Variants in ROBO2 observed in about 807,000 individuals in gnomAD.
ROBO2 encodes the protein roundabout guidance receptor 2, also known as roundabout homolog 2.
In ROBO2, 53 loss-of-function variants were observed where a neutral mutation model predicts 160.8. The ratio of observed to expected loss-of-function variants is 0.33; its 90% CI spans 0.26 to 0.41. The LOEUF (loss-of-function observed/expected upper bound fraction) is 0.41, where lower values mean the gene tolerates loss of function less well. ROBO2 is among the 10% of genes least tolerant of loss of function. The probability of loss-of-function intolerance (pLI) is 1.00; values close to 1 mark genes in which losing one functional copy is unlikely to be tolerated. For missense variants in ROBO2, 1,577 were observed against 1,722.4 expected, an observed-to-expected ratio of 0.92 and a Z score of 1.49; for synonymous variants, 664 against 611.7, an observed-to-expected ratio of 1.09 and a Z score of -1.26.
At chr3:76,442,190 C>A (rs974787959) in intron 2 of ROBO2, among the ~76,000 whole-genome samples, 1 of 152,144 alleles carries the variant, frequency 6.6e-6, no homozygotes, top group Non-Finnish European at 1.5e-5. Flanking sequence ...GAACTCAATT[C>A]ATTTCTTATT....
At chr3:76,239,261 A>G (rs139055869) in intron 2 of ROBO2, among the ~76,000 whole-genome samples, 62 of 152,244 alleles carry the variant, frequency 4.1e-4, no homozygotes, top group African/African-American at 1.5e-3. Flanking sequence ...CCTAATTCCA[A>G]TGGATACTAC....
chr3:76,249,738 GT>G (rs1705868290), intron 2 of ROBO2, among the ~76,000 whole-genome samples: 1 of 152,056 alleles, frequency 6.6e-6, no homozygotes, highest in Admixed American at 6.6e-5. Context: ...TCCACAATGC[GT>G]TTAACTAACT....
At chr3:76,141,531 G>T (rs2071670863) in intron 2 of ROBO2, among the ~76,000 whole-genome samples, 1 of 151,450 alleles carries the variant, frequency 6.6e-6, no homozygotes, top group South Asian at 2.1e-4. Flanking sequence ...AAAATACAAG[G>T]TAGGAAAAAT....
chr3:76,201,204 T>A (rs971762055), intron 2 of ROBO2, among the ~76,000 whole-genome samples: 1 of 152,168 alleles, frequency 6.6e-6, no homozygotes, highest in African/African-American at 2.4e-5. Flanking sequence ...AGAGAAATTG[T>A]TTCTGAAAAA....
At chr3:77,322,018 G>A (rs1257855580) in intron 2 of ROBO2, among the ~76,000 whole-genome samples, 3 of 152,166 alleles carry the variant, frequency 2.0e-5, no homozygotes, top group Admixed American at 2.0e-4. Flanking sequence ...AGTATGGAAG[G>A]CTTAAATGGA....
Position 76,475,344 on chromosome 3 carries a change from A to G in ROBO2, c.109+537742A>G, listed in dbSNP as rs553361829. ...AAAGTAGAACCAGATTTGAATGAGGATGAAGTGGAAGGAGAGACAATGAGG... is the reference window on the plus strand; with the variant it reads ...AAAGTAGAACCAGATTTGAATGAGGGTGAAGTGGAAGGAGAGACAATGAGG... On this transcript the variant is annotated intron_variant, in intron 2 of 26. Coordinates refer to the ROBO2 transcript ENST00000487694. 2.6e-5 allele frequency among the ~76,000 whole-genome samples: 4 copies of G among 152,190 alleles called. No homozygotes were observed. The East Asian group carries it at 7.8e-4, about 30-fold the overall frequency.
rs142944060 is a variant in ROBO2 at position 76,214,024 on chromosome 3, A to G, written c.109+276422A>G. Among the ~76,000 whole-genome samples the G allele has an allele frequency of 2.9e-3, 441 of 152,236 alleles. 2 individuals carry two copies. The highest frequency in any genetic ancestry group is 0.01 in the African/African-American group (422 of 41,550). ...ACGTCTTCCAGAAGCACCCTCACAG[A>G]TGCACCCAGGAATAATGTTTTGCCA... On this transcript the variant is annotated intron_variant, in intron 2 of 26. Coordinates refer to the ROBO2 transcript ENST00000487694.
intron 12 of ROBO2, among the ~76,000 whole-genome samples, chr3:77,567,776 T>C (rs981821595): frequency 1.3e-5 from 2 of 152,086 alleles, no homozygotes; most frequent in Non-Finnish European, 2.9e-5. Context: ...AATGACAGAA[T>C]TCACTTTCCT....
intron 2 of ROBO2, among the ~76,000 whole-genome samples, chr3:76,508,374 C>T (rs2080903047): frequency 6.6e-6 from 1 of 152,004 alleles, no homozygotes; most frequent in African/African-American, 2.4e-5. Context: ...AAAATAAAGA[C>T]AGTATACCTG....
At chr3:76,392,565 C>T (rs957736904) in intron 2 of ROBO2, among the ~76,000 whole-genome samples, 1 of 151,944 alleles carries the variant, frequency 6.6e-6, no homozygotes, top group Non-Finnish European at 1.5e-5. Context: ...GTAAAATGTT[C>T]GCTTTCATTG....
intron 2 of ROBO2, among the ~76,000 whole-genome samples, chr3:77,210,501 A>G (rs1335210380): frequency 6.6e-6 from 1 of 152,198 alleles, no homozygotes; most frequent in Non-Finnish European, 1.5e-5. Flanking sequence ...ATTTATTGAC[A>G]TAAAAAGTAT....
At chr3:77,283,821 T>C (rs2060405127) in intron 2 of ROBO2, among the ~76,000 whole-genome samples, 1 of 152,182 alleles carries the variant, frequency 6.6e-6, no homozygotes, top group African/African-American at 2.4e-5. Flanking sequence ...TTGAGCTCGG[T>C]ACTTTGATTG....
intron 2 of ROBO2, among the ~76,000 whole-genome samples, chr3:77,273,611 G>A (rs1467111529): frequency 1.3e-5 from 2 of 152,142 alleles, no homozygotes; most frequent in African/African-American, 4.8e-5. Flanking sequence ...TTCTTGTACA[G>A]ATTTCTAACT....
At chr3:77,236,970 C>T (rs192368107) in intron 2 of ROBO2, among the ~76,000 whole-genome samples, 41 of 152,234 alleles carry the variant, frequency 2.7e-4, no homozygotes, top group African/African-American at 8.9e-4. Context: ...ACCTCCTGGG[C>T]TCAAGCAATC....
chr3:75,933,992 C>T (rs1947658679), intron 1 of ROBO2, among the ~76,000 whole-genome samples: 1 of 152,136 alleles, frequency 6.6e-6, no homozygotes, highest in Admixed American at 6.6e-5. Flanking sequence ...GTGGAGCCTC[C>T]AGACTCCACA....
At position 76,221,513 on chromosome 3, in the gene ROBO2, C is replaced by T. The variant is rs184725213; in HGVS notation, c.109+283911C>T. Reference sequence around the variant, plus strand: ...TGAGCAGTGCCACTCTCATTTTCCACGCTTTGATTCCTGAACCCATTAATT... The same window carrying T: ...TGAGCAGTGCCACTCTCATTTTCCATGCTTTGATTCCTGAACCCATTAATT... On this transcript the variant is annotated intron_variant, in intron 2 of 26. Transcript: ENST00000487694. 2.8e-4 allele frequency among the ~76,000 whole-genome samples: 43 copies of T among 152,288 alleles called. No homozygotes were observed. In the East Asian group the frequency reaches 4.3e-3, roughly 15 times the overall value.
At chr3:76,660,608 C>T (rs1434151239) in intron 2 of ROBO2, among the ~76,000 whole-genome samples, 2 of 152,118 alleles carry the variant, frequency 1.3e-5, no homozygotes, top group African/African-American at 2.4e-5. Context: ...AAGCTGTTAT[C>T]CACTCACATG....
intron 2 of ROBO2, among the ~76,000 whole-genome samples, chr3:76,869,420 G>T (rs2071765311): frequency 1.4e-5 from 2 of 142,874 alleles, no homozygotes; most frequent in South Asian, 4.4e-4. Flanking sequence ...CGCGATCTCG[G>T]CTCACTGCAA....
intron 24 of ROBO2, among the ~76,000 whole-genome samples, chr3:77,641,798 C>T (rs887653077): frequency 9.2e-5 from 14 of 151,708 alleles, no homozygotes; most frequent in African/African-American, 3.4e-4. Flanking sequence ...ATTTCACAGT[C>T]GAAGGCATAC....
Sources: allele counts gnomAD v4.1 joint callset (sites outside exome capture counted in the v4.1 genomes callset), GRCh38; gene constraint gnomAD v4.1.1; transcripts MANE v1.5; gene names NCBI Gene and HGNC (gene_info 2026-07-23, HGNC 2026-07-21).